TSHZ2: variants seen among roughly 807,000 people sequenced by gnomAD.
TSHZ2 encodes teashirt homolog 2.
A neutral mutation model predicts 74.4 loss-of-function variants in TSHZ2; 21 were observed. The ratio of observed to expected loss-of-function variants is 0.28; its 90% CI spans 0.20 to 0.41. The LOEUF is 0.41. TSHZ2 is among the 10% of genes least tolerant of loss of function. TSHZ2 has a pLI of 1.00. For synonymous variants in TSHZ2, 540 were observed against 515.3 expected, an observed-to-expected ratio of 1.05 and a Z score of -0.65; for missense variants, 1,244 against 1,293.5, an observed-to-expected ratio of 0.96 and a Z score of 0.59.
At chr20:53,217,069 C>T (rs1213397729) in intron 1 of TSHZ2, among the ~76,000 whole-genome samples, 4 of 152,186 alleles carry the variant, frequency 2.6e-5, no homozygotes, top group African/African-American at 7.2e-5. Flanking sequence ...TCTGTGGTCG[C>T]ATTACATATT....
chr20:53,479,120 G>A (rs562281454), intron 2 of TSHZ2, among the ~76,000 whole-genome samples: 20 of 150,448 alleles, frequency 1.3e-4, no homozygotes, highest in Non-Finnish European at 2.7e-4. Context: ...AGCCAAGATC[G>A]CGCCACTGCA....
At chr20:52,981,599 T>C (rs1161628533) in intron 1 of TSHZ2, among the ~76,000 whole-genome samples, 1 of 152,208 alleles carries the variant, frequency 6.6e-6, no homozygotes, top group Non-Finnish European at 1.5e-5. Flanking sequence ...GGTCCAGGGC[T>C]TGAAAGAAAC....
At chr20:53,456,569 C>G (rs1985094410) in intron 2 of TSHZ2, among the ~76,000 whole-genome samples, 1 of 111,952 alleles carries the variant, frequency 8.9e-6, no homozygotes, top group Non-Finnish European at 1.8e-5. Flanking sequence ...TAATTAGATC[C>G]CATTTGTAAA....
intron 2 of TSHZ2, among the ~76,000 whole-genome samples, chr20:53,472,259 A>T (rs1029751372): frequency 2.0e-5 from 3 of 152,248 alleles, no homozygotes; most frequent in Admixed American, 1.3e-4. Flanking sequence ...CAGGGCAGAT[A>T]GGCGCAGGCC....
At chr20:53,124,767 G>A (rs956895270) in intron 1 of TSHZ2, among the ~76,000 whole-genome samples, 5 of 152,182 alleles carry the variant, frequency 3.3e-5, no homozygotes, top group African/African-American at 1.2e-4. Context: ...CTGAAGACAT[G>A]GAGATTTAGG....
intron 2 of TSHZ2, among the ~76,000 whole-genome samples, chr20:53,285,863 C>T (rs1233205129): frequency 1.3e-5 from 2 of 152,206 alleles, no homozygotes; most frequent in African/African-American, 2.4e-5. Context: ...TTGATTCATT[C>T]ATTCAACACA....
intron 2 of TSHZ2, among the ~76,000 whole-genome samples, chr20:53,284,271 C>G (rs1240432318): frequency 3.9e-5 from 6 of 152,190 alleles, no homozygotes. Flanking sequence ...CTCCAACCAT[C>G]AGTGCAACTT....
chr20:53,118,646 C>A (rs1323563598), intron 1 of TSHZ2, among the ~76,000 whole-genome samples: 2 of 152,094 alleles, frequency 1.3e-5, no homozygotes, highest in African/African-American at 4.8e-5. Flanking sequence ...AGGGAGGTTC[C>A]TTAACCTCCC....
intron 1 of TSHZ2, among the ~76,000 whole-genome samples, chr20:53,017,046 G>C (rs1335777920): frequency 6.6e-6 from 1 of 152,130 alleles, no homozygotes; most frequent in Non-Finnish European, 1.5e-5. Flanking sequence ...CCAGTGCCTA[G>C]TGCCTTATAC....
intron 1 of TSHZ2, among the ~76,000 whole-genome samples, chr20:53,085,388 G>A (rs756842117): frequency 1.3e-5 from 2 of 152,012 alleles, no homozygotes; most frequent in Non-Finnish European, 2.9e-5. Flanking sequence ...GAGAGAGAGA[G>A]AGAAAGAAAG....
intron 2 of TSHZ2, among the ~76,000 whole-genome samples, chr20:53,348,358 G>T (rs1009412232): frequency 6.6e-6 from 1 of 152,168 alleles, no homozygotes; most frequent in Non-Finnish European, 1.5e-5. Flanking sequence ...TCTTTTCATC[G>T]TTACATCCTC....
intron 1 of TSHZ2, among the ~76,000 whole-genome samples, chr20:52,976,013 A>C (rs1470636225): frequency 6.6e-6 from 1 of 152,248 alleles, no homozygotes; most frequent in Non-Finnish European, 1.5e-5. Context: ...AGATAGAAAA[A>C]GCCTGTGAGT....
intron 1 of TSHZ2, among the ~76,000 whole-genome samples, chr20:53,004,248 A>G (rs1170358707): frequency 6.6e-6 from 1 of 151,734 alleles, no homozygotes; most frequent in Non-Finnish European, 1.5e-5. Flanking sequence ...AATTTCATCC[A>G]GAAATACAAA....
At chr20:53,134,381 A>T (rs1406995008) in intron 1 of TSHZ2, among the ~76,000 whole-genome samples, 1 of 152,262 alleles carries the variant, frequency 6.6e-6, no homozygotes, top group African/African-American at 2.4e-5. Context: ...TAAAAAAGAA[A>T]ACAATATATG....
intron 2 of TSHZ2, among the ~76,000 whole-genome samples, chr20:53,442,803 C>A (rs1984389714): frequency 6.6e-6 from 1 of 152,160 alleles, no homozygotes; most frequent in South Asian, 2.1e-4. Context: ...TATGTATTCC[C>A]CCGTTTCGAT....
At chr20:53,469,718 GAGGA>G (rs1163401204) in intron 2 of TSHZ2, among the ~76,000 whole-genome samples, 4 of 76,978 alleles carry the variant, frequency 5.2e-5, no homozygotes, top group Admixed American at 1.5e-4. Context: ...AAGAGAGAGG[GAGGA>G]AGGGAGGGAG....
chr20:53,376,237 G>C (rs1981653311), intron 2 of TSHZ2, among the ~76,000 whole-genome samples: 1 of 152,202 alleles, frequency 6.6e-6, no homozygotes, highest in Non-Finnish European at 1.5e-5. Context: ...GTGGCCAACT[G>C]TCCTGGTTTG....
intron 1 of TSHZ2, among the ~76,000 whole-genome samples, chr20:53,171,985 C>T (rs533996657): frequency 7.6e-4 from 115 of 152,110 alleles, no homozygotes; most frequent in Admixed American, 1.6e-3. Context: ...AAAAAAGAAC[C>T]ACAAGGACAT....
At chr20:53,390,267 G>A (rs1055797465) in intron 2 of TSHZ2, among the ~76,000 whole-genome samples, 10 of 152,190 alleles carry the variant, frequency 6.6e-5, no homozygotes, top group Non-Finnish European at 1.0e-4. Flanking sequence ...TTTGGAAGCC[G>A]TGAGATTTAT....
Sources: allele counts gnomAD v4.1 joint callset (sites outside exome capture counted in the v4.1 genomes callset), GRCh38; gene constraint gnomAD v4.1.1; transcripts MANE v1.5; gene names NCBI Gene and HGNC (gene_info 2026-07-23, HGNC 2026-07-21).